PCNX4: variants seen among roughly 807,000 people sequenced by gnomAD.
PCNX4 encodes the protein pecanex-like protein 4.
PCNX4 carries 103 observed loss-of-function variants against 107.2 expected under a neutral mutation model. The ratio of observed to expected loss-of-function variants is 0.96; its 90% CI spans 0.82 to 1.13. The LOEUF is 1.13. Among genes scored for constraint, PCNX4 ranks in the 50% most tolerant of loss-of-function variants. The pLI is 0.00. For missense variants in PCNX4, 1,528 were observed against 1,379.4 expected, an observed-to-expected ratio of 1.11 and a Z score of -1.71; for synonymous variants, 541 against 481.7, an observed-to-expected ratio of 1.12 and a Z score of -1.61.
Position 60,136,781 on chromosome 14 carries a change from T to C in PCNX4, c.*2560T>C, listed in dbSNP as rs1331910442. ...TTCTGGCCCTTGTTGTGGTGGGATG[T>C]CATCATAGTATTCCTTGGAACTTTG... On this transcript the variant is annotated 3_prime_UTR_variant, in exon 11 of 11. Coordinates refer to ENST00000406854, the MANE Select transcript of PCNX4 (RefSeq NM_001330177.2). 6.6e-6 allele frequency: 1 copy of C among 152,562 alleles called. No individual in the cohort carries two copies. Among genetic ancestry groups the C allele is most frequent in the East Asian group, 1.9e-4 (1 of 5,200 alleles). 9.5% of individuals were successfully genotyped at this position (152,562 alleles called of 1,614,324 possible). A position where few individuals can be genotyped will look rare whatever the true frequency, so the allele number is the denominator to read the frequency against.
Position 60,114,766 on chromosome 14 carries a change from A to C in PCNX4, c.756A>C (p.Leu252Phe). The C allele has an allele frequency of 6.2e-7, 1 of 1,613,222 alleles. No individual in the cohort carries two copies. The highest frequency in any genetic ancestry group is 2.2e-5 in the East Asian group (1 of 44,864). Residue 252 changes from leucine (L) to phenylalanine (F), a missense_variant, in exon 3 of 11, where the codon TTA (leucine) becomes TTC (phenylalanine). Leu to Phe is a conservative substitution (Grantham distance 22, BLOSUM62 0). Transcript: ENST00000406854. ...TTTTACACATCTTGTTTGTATTTTTACCCTTTCTGTGGGCACTTGGGACTC... is the reference window on the plus strand; with the variant it reads ...TTTTACACATCTTGTTTGTATTTTTCCCCTTTCTGTGGGCACTTGGGACTC... ...NQILHILFVF[L>F]PFLWALGTLP...
Position 60,097,840 on chromosome 14 carries a change from A to G in PCNX4, c.-54+5421A>G, listed in dbSNP as rs554032901. ...CAGACTCATGACCATTTCACACACAACTACCCAAAAACATCTACAGTGTTA... is the reference window on the plus strand; with the variant it reads ...CAGACTCATGACCATTTCACACACAGCTACCCAAAAACATCTACAGTGTTA... On this transcript the variant is annotated intron_variant, in intron 1 of 10. Coordinates refer to ENST00000406854, the MANE Select transcript of PCNX4 (RefSeq NM_001330177.2). Among the ~76,000 whole-genome samples, 74 of 152,296 alleles carry G rather than the reference A, an allele frequency of 4.9e-4. 1 individual carries two copies. The Middle Eastern group carries it at 0.02, about 42-fold the overall frequency.
chr14:60,103,761 T>C (rs1333996909), intron 1 of PCNX4, among the ~76,000 whole-genome samples: 1 of 152,176 alleles, frequency 6.6e-6, no homozygotes. Flanking sequence ...CAAATTAAAA[T>C]TGGACTTCTG....
intron 1 of PCNX4, 128 bp from the exon 2 acceptor site, chr14:60,107,458 C>G: frequency 1.7e-6 from 1 of 591,320 alleles, no homozygotes; most frequent in Non-Finnish European, 2.9e-6. Flanking sequence ...AGAAAGGGGT[C>G]TGAGAAGTAC....
chr14:60,114,109 T>C (rs1227071233), intron 2 of PCNX4, among the ~76,000 whole-genome samples: 1 of 152,184 alleles, frequency 6.6e-6, no homozygotes, highest in Non-Finnish European at 1.5e-5. Flanking sequence ...TAACCTGAGT[T>C]GCGCATTTCT....
In PCNX4 at chr14:60,108,069, C is replaced by A; in HGVS notation, c.431C>A (p.Ser144Tyr). 6.2e-7 allele frequency: 1 copy of A among 1,612,828 alleles called. No homozygotes were observed. Among genetic ancestry groups the A allele is most frequent in the Non-Finnish European group, 8.5e-7 (1 of 1,179,864 alleles). The change falls in exon 2 of 11, where the codon TCT becomes TAT. Residue 144 changes from serine (S) to tyrosine (Y), a missense_variant. By Grantham distance (144) the Ser-to-Tyr change is moderately radical. Coordinates refer to ENST00000406854, the MANE Select transcript of PCNX4 (RefSeq NM_001330177.2). ...TATGTAGCCAATACAGTTTTTCATT[C>A]TATTCTTGCTGGATTAGCGTGTGGT... ...KKYVANTVFHSILAGLACGLG... is the reference protein window; with the variant it reads ...KKYVANTVFHYILAGLACGLG...
Position 60,115,817 on chromosome 14 carries a change from A to G in PCNX4, c.1456A>G (p.Met486Val), listed in dbSNP as rs1282434735. The change falls in exon 5 of 11, where the codon ATG becomes GTG. Residue 486 changes from methionine (M) to valine (V), a missense_variant and splice_region_variant. Transcript: ENST00000406854. ...TATTGGATTCACAAGAGCCTTTAGA[A>G]TGGTAATCCTAATATGTGTTTAATA... ...VCIGFTRAFR[M>V]VWQNTENALL... 6.2e-7 allele frequency: 1 copy of G among 1,609,134 alleles called. No individual in the cohort carries two copies. The highest frequency in any genetic ancestry group is 1.3e-5 in the African/African-American group (1 of 74,830).
At chr14:60,111,740 C>A (rs1312925533) in intron 2 of PCNX4, among the ~76,000 whole-genome samples, 1 of 152,056 alleles carries the variant, frequency 6.6e-6, no homozygotes, top group Non-Finnish European at 1.5e-5. Flanking sequence ...TTACTAAAAT[C>A]TTGTTGGATT....
Position 60,132,429 on chromosome 14 carries a change from AC to A in PCNX4, c.3268-1539del, listed in dbSNP as rs1896170889. Among the ~76,000 whole-genome samples, 5 of 152,100 alleles carry A rather than the reference AC, an allele frequency of 3.3e-5. No homozygotes were observed. The South Asian group carries it at 1.0e-3, about 32-fold the overall frequency. On this transcript the variant is annotated intron_variant, in intron 10 of 10. Transcript: ENST00000406854. ...ATAGATGTTATTTAACCCACTACAG[AC>A]CTTACTTTATATACGGTATTTTTAA... is the stretch of plus-strand genomic sequence containing the variant.
intron 10 of PCNX4, 198 bp downstream of exon 10, chr14:60,126,021 A>C (rs529107947): frequency 2.6e-6 from 1 of 386,224 alleles, no homozygotes; most frequent in Non-Finnish European, 4.5e-6. Context: ...ACTTTTGCCA[A>C]CTGAAGAGGA....
intron 1 of PCNX4, among the ~76,000 whole-genome samples, chr14:60,106,138 G>A (rs1473765235): frequency 6.6e-6 from 1 of 152,124 alleles, no homozygotes; most frequent in Admixed American, 6.5e-5. Flanking sequence ...ACTAAGGTTC[G>A]ATTTGGCCCT....
chr14:60,137,143 A>G lies in PCNX4; in HGVS notation c.*2922A>G, dbSNP rs1896249741. On this transcript the variant is annotated 3_prime_UTR_variant, in exon 11 of 11. Transcript: ENST00000406854. Reference sequence around the variant, plus strand: ...GACAGTGAAGAATAACATCACTAAGATCTAAGACAGAATGAAACTTAGAGA... The same window carrying G: ...GACAGTGAAGAATAACATCACTAAGGTCTAAGACAGAATGAAACTTAGAGA... The G allele has an allele frequency of 6.6e-6, 1 of 152,218 alleles. No individual in the cohort carries two copies. Among genetic ancestry groups the G allele is most frequent in the Non-Finnish European group, 1.5e-5 (1 of 68,046 alleles). The allele number at this position is 152,218 out of a possible 1,614,324, so 9.4% of individuals were successfully genotyped here. A position where few individuals can be genotyped will look rare whatever the true frequency, so the allele number is the denominator to read the frequency against.
chr14:60,133,627 AG>A, intron 10 of PCNX4: 1 of 482,384 alleles, frequency 2.1e-6, no homozygotes, highest in Non-Finnish European at 4.0e-6. Flanking sequence ...CTTTAAAAAG[AG>A]CCTATTGTAT....
At chr14:60,101,914 A>G (rs1193944655) in intron 1 of PCNX4, among the ~76,000 whole-genome samples, 2 of 152,228 alleles carry the variant, frequency 1.3e-5, no homozygotes, top group African/African-American at 2.4e-5. Context: ...AAAGGAAACC[A>G]TGCCATATGT....
intron 6 of PCNX4, among the ~76,000 whole-genome samples, chr14:60,117,413 G>A (rs1895870174): frequency 1.3e-5 from 2 of 152,182 alleles, no homozygotes; most frequent in South Asian, 4.1e-4. Flanking sequence ...TAGCCTATGA[G>A]CAATAGGTTA....
chr14:60,123,102 A>G (rs371609206), intron 8 of PCNX4, among the ~76,000 whole-genome samples: 12 of 152,126 alleles, frequency 7.9e-5, no homozygotes, highest in Admixed American at 7.9e-4. Context: ...CCCATACCAG[A>G]AGACAAAAAA....
intron 2 of PCNX4, among the ~76,000 whole-genome samples, chr14:60,113,152 T>C (rs1402056321): frequency 1.3e-5 from 2 of 152,054 alleles, no homozygotes; most frequent in Non-Finnish European, 2.9e-5. Context: ...CTGCACTCCA[T>C]CCTGGGGACA....
At chr14:60,114,536 A>G (rs972842643) in intron 2 of PCNX4, among the ~76,000 whole-genome samples, 164 bp from the exon 3 acceptor site, 7 of 151,800 alleles carry the variant, frequency 4.6e-5, no homozygotes, top group East Asian at 1.9e-4. Context: ...CACAATTTGT[A>G]TGTATTGATC....
At chr14:60,105,366 CAG>C (rs1201075867) in intron 1 of PCNX4, among the ~76,000 whole-genome samples, 1 of 152,166 alleles carries the variant, frequency 6.6e-6, no homozygotes. Context: ...AAGAAAAACA[CAG>C]AATGTATTTA....
Sources: allele counts gnomAD v4.1 joint callset (sites outside exome capture counted in the v4.1 genomes callset), GRCh38; gene constraint gnomAD v4.1.1; transcripts MANE v1.5; gene names NCBI Gene and HGNC (gene_info 2026-07-23, HGNC 2026-07-21).